The following MALRD1 variants were observed in gnomAD, a reference collection of about 807,000 sequenced individuals.
MALRD1 encodes the protein MAM and LDL-receptor class A domain-containing protein 1.
In MALRD1, 247 loss-of-function variants were observed where a neutral mutation model predicts 242.1. The observed-to-expected ratio is 1.02, with a 90% CI of 0.92 to 1.13. The LOEUF (loss-of-function observed/expected upper bound fraction) is 1.13. Among genes scored for constraint, MALRD1 ranks in the 50% most tolerant of loss-of-function variants. MALRD1 has a pLI of 0.00. For missense variants in MALRD1, 2,989 were observed against 2,533.1 expected, an observed-to-expected ratio of 1.18 and a Z score of -3.86; for synonymous variants, 995 against 866.6, an observed-to-expected ratio of 1.15 and a Z score of -2.60.
chr10:19,519,208 CAA>C (rs34145118), intron 31 of MALRD1, among the ~76,000 whole-genome samples: 67,455 of 151,564 alleles, frequency 0.45, 15,850 homozygotes, highest in Non-Finnish European at 0.53. Flanking sequence ...TCAGCATAGT[CAA>C]GTTTTGCATA....
intron 10 of MALRD1, among the ~76,000 whole-genome samples, chr10:19,138,746 T>C (rs917074828): frequency 6.6e-6 from 1 of 152,154 alleles, no homozygotes; most frequent in Non-Finnish European, 1.5e-5. Context: ...GCTTAGCTTT[T>C]TCCCCTCCAT....
At chr10:19,677,855 A>T (rs1842200040) in intron 36 of MALRD1, among the ~76,000 whole-genome samples, 1 of 152,044 alleles carries the variant, frequency 6.6e-6, no homozygotes, top group South Asian at 2.1e-4. Context: ...TAATGTGTAT[A>T]AAAGGGGTCC....
At chr10:19,447,850 A>G (rs570532898) in intron 28 of MALRD1, among the ~76,000 whole-genome samples, 1 of 152,296 alleles carries the variant, frequency 6.6e-6, no homozygotes, top group South Asian at 2.1e-4. Flanking sequence ...TTCTTTAGTC[A>G]TCAAAAAGAT....
At chr10:19,327,745 T>C in intron 23 of MALRD1, 72 bp downstream of exon 23, 1 of 1,211,492 alleles carries the variant, frequency 8.3e-7, no homozygotes, top group Middle Eastern at 1.9e-4. Context: ...TTTCCTTCTC[T>C]ACTCACAGTC....
chr10:19,682,521 T>A lies in MALRD1; in HGVS notation c.6138-9761T>A, dbSNP rs566116920. 2.6e-5 allele frequency among the ~76,000 whole-genome samples: 4 copies of A among 152,324 alleles called. No homozygotes were observed. The South Asian group carries it at 8.3e-4, about 32-fold the overall frequency. Reference sequence around the variant, plus strand: ...GCTCTTATGCATGAATGGAGCGGGATGTTTATCTCTCTCTTTCAGGTGGGC... The same window carrying A: ...GCTCTTATGCATGAATGGAGCGGGAAGTTTATCTCTCTCTTTCAGGTGGGC... On this transcript the variant is annotated intron_variant, in intron 36 of 39. Coordinates refer to ENST00000454679, the MANE Select transcript of MALRD1 (RefSeq NM_001142308.3).
At chr10:19,112,275 G>C (rs572511599) in intron 5 of MALRD1, among the ~76,000 whole-genome samples, 1 of 151,240 alleles carries the variant, frequency 6.6e-6, no homozygotes, top group South Asian at 2.1e-4. Flanking sequence ...CAGCTAACTA[G>C]AATGAGTAGT....
intron 28 of MALRD1, among the ~76,000 whole-genome samples, chr10:19,429,949 G>A (rs765927787): frequency 1.3e-5 from 2 of 151,818 alleles, no homozygotes; most frequent in South Asian, 2.1e-4. Flanking sequence ...TCAGAATATG[G>A]CCAATGTACC....
At chr10:19,434,797 T>C (rs2130959687) in intron 28 of MALRD1, among the ~76,000 whole-genome samples, 1 of 152,104 alleles carries the variant, frequency 6.6e-6, no homozygotes, top group Middle Eastern at 3.4e-3. Flanking sequence ...ATGTATAAAA[T>C]GATTTTTCTT....
At chr10:19,686,502 T>C (rs757555474) in intron 36 of MALRD1, among the ~76,000 whole-genome samples, 1 of 152,204 alleles carries the variant, frequency 6.6e-6, no homozygotes, top group Non-Finnish European at 1.5e-5. Flanking sequence ...GTGAGCCCAT[T>C]TGCTCAACTC....
intron 28 of MALRD1, among the ~76,000 whole-genome samples, chr10:19,406,732 A>G (rs894394778): frequency 2.0e-5 from 3 of 152,118 alleles, no homozygotes; most frequent in Admixed American, 6.5e-5. Context: ...TAAATAAATA[A>G]CATTCTGCCG....
At chr10:19,601,956 A>T (rs1838361821) in intron 34 of MALRD1, among the ~76,000 whole-genome samples, 1 of 152,022 alleles carries the variant, frequency 6.6e-6, no homozygotes, top group Admixed American at 6.6e-5. Context: ...GCACACAAAA[A>T]TTTGTGTATA....
At chr10:19,520,157 A>G (rs1468595080) in intron 31 of MALRD1, among the ~76,000 whole-genome samples, 1 of 152,156 alleles carries the variant, frequency 6.6e-6, no homozygotes. Flanking sequence ...CCAACTACAC[A>G]GAAGGCACTT....
At chr10:19,288,388 T>C (rs1841243456) in intron 21 of MALRD1, among the ~76,000 whole-genome samples, 1 of 152,092 alleles carries the variant, frequency 6.6e-6, no homozygotes, top group African/African-American at 2.4e-5. Flanking sequence ...TAGGTCCTAT[T>C]CATTCTTTCT....
chr10:19,525,159 C>T (rs1281468399), intron 31 of MALRD1, among the ~76,000 whole-genome samples: 1 of 151,732 alleles, frequency 6.6e-6, no homozygotes, highest in African/African-American at 2.4e-5. Flanking sequence ...AGGTGATCTG[C>T]CCGCCTGGGC....
At chr10:19,270,806 T>TC (rs1564517853) in intron 19 of MALRD1, among the ~76,000 whole-genome samples, 2,235 of 69,424 alleles carry the variant, frequency 0.032, 62 homozygotes, top group African/African-American at 0.1. Flanking sequence ...ATTCAAAGGA[T>TC]AACACACACA....
At chr10:19,047,157 A>G (rs551694731), upstream of MALRD1, among the ~76,000 whole-genome samples, 4 of 152,316 alleles carry the variant, frequency 2.6e-5, no homozygotes, top group East Asian at 3.9e-4. Flanking sequence ...CAACGGAAAT[A>G]TGGAAAATAC....
intron 38 of MALRD1, among the ~76,000 whole-genome samples, chr10:19,719,363 G>A (rs925693501): frequency 6.7e-6 from 1 of 150,326 alleles, no homozygotes; most frequent in Admixed American, 6.6e-5. Flanking sequence ...AGTGAAGACG[G>A]AGCTCCCATT....
At chr10:19,442,862 C>T (rs2496071) in intron 28 of MALRD1, among the ~76,000 whole-genome samples, 116,881 of 151,606 alleles carry the variant, frequency 0.77, 45,669 homozygotes, top group African/African-American at 0.9. Flanking sequence ...TTCCCTCTTT[C>T]TCTCTTGATT....
chr10:19,347,388 G>A (rs904310709), intron 24 of MALRD1, among the ~76,000 whole-genome samples: 1 of 152,086 alleles, frequency 6.6e-6, no homozygotes, highest in Admixed American at 6.6e-5. Flanking sequence ...GCTTGGGGCA[G>A]CATTACCCAA....
Sources: gnomAD v4.1 joint callset for allele counts (sites outside exome capture counted in the v4.1 genomes callset) on GRCh38, gnomAD v4.1.1 for gene constraint, MANE v1.5 for transcripts, NCBI Gene and HGNC (gene_info 2026-07-23, HGNC 2026-07-21) for gene names.